Variants in SLCO2A1 observed in about 807,000 individuals in gnomAD.
SLCO2A1 encodes the protein matrin F/G 1.
A neutral mutation model predicts 71.7 loss-of-function variants in SLCO2A1; 60 were observed. That is an observed-to-expected ratio of 0.84 (90% confidence interval 0.68 to 1.04). The LOEUF (loss-of-function observed/expected upper bound fraction) is 1.04, where lower values mean the gene tolerates loss of function less well. SLCO2A1 is among the 50% of genes least tolerant of loss of function. The pLI is 0.00. For missense variants in SLCO2A1, 745 were observed against 813.4 expected (o/e 0.92, Z 1.02); for synonymous variants, 308 against 326.7 (o/e 0.94, Z 0.62).
intron 1 of SLCO2A1, among the ~76,000 whole-genome samples, chr3:134,019,803 G>T (rs1480933131): frequency 1.3e-5 from 2 of 152,100 alleles, no homozygotes; most frequent in East Asian, 3.9e-4. Context: ...AAAGTGGATT[G>T]GTTAGTCTGT....
In SLCO2A1 at chr3:133,951,291, C is replaced by T. The variant is rs536685613; in HGVS notation, c.778G>A (p.Gly260Ser). 6.2e-7 allele frequency: 1 copy of T among 1,614,158 alleles called. No homozygotes were observed. The highest frequency in any genetic ancestry group is 8.5e-7 in the Non-Finnish European group (1 of 1,180,022). ...AATAAAGCTGAAGAAATGAGCAGGC[C>T]TAGCCACCAGGCTCCAATCCATCGG... ...DPRWIGAWWL[G>S]LLISSALLVL... The change falls in exon 6 of 14, where the codon GGC (glycine) becomes AGC (serine). Residue 260 changes from glycine to serine, a missense_variant. Coordinates refer to ENST00000310926, the MANE Select transcript of SLCO2A1 (RefSeq NM_005630.3).
intron 1 of SLCO2A1, among the ~76,000 whole-genome samples, chr3:134,013,497 G>A (rs1275464348): frequency 2.0e-5 from 3 of 152,100 alleles, no homozygotes; most frequent in East Asian, 1.9e-4. Flanking sequence ...TCTGTCTGAC[G>A]GTGTCCCATG....
intron 4 of SLCO2A1, 59 bp downstream of exon 4, chr3:133,954,907 T>A (rs1430160111): frequency 1.4e-6 from 2 of 1,407,722 alleles, no homozygotes; most frequent in Non-Finnish European, 2.0e-6. Flanking sequence ...CAGGGCCTCA[T>A]CAAGTGCTAC....
chr3:133,939,473 A>G (rs952175544), intron 11 of SLCO2A1, among the ~76,000 whole-genome samples: 1 of 152,252 alleles, frequency 6.6e-6, no homozygotes, highest in African/African-American at 2.4e-5. Flanking sequence ...AAGGGAGCTC[A>G]GAAGTAATCC....
At chr3:133,983,381 G>A (rs756316761) in intron 1 of SLCO2A1, among the ~76,000 whole-genome samples, 39 of 152,150 alleles carry the variant, frequency 2.6e-4, no homozygotes, top group Non-Finnish European at 4.6e-4. Flanking sequence ...CCCAGCCCTC[G>A]ATGCCAAGTG....
intron 3 of SLCO2A1, among the ~76,000 whole-genome samples, chr3:133,966,401 G>C (rs1382382647): frequency 6.6e-6 from 1 of 152,148 alleles, no homozygotes; most frequent in Non-Finnish European, 1.5e-5. Flanking sequence ...CAATGTATGA[G>C]ACAGACAAGA....
At chr3:133,951,150 C>T in intron 6 of SLCO2A1, 58 bp downstream of exon 6, 2 of 1,606,862 alleles carry the variant, frequency 1.2e-6, no homozygotes, top group Non-Finnish European at 1.7e-6. Context: ...TTATTTTCTA[C>T]CCCCACATCC....
intron 1 of SLCO2A1, among the ~76,000 whole-genome samples, chr3:133,999,261 T>A (rs1935051074): frequency 6.6e-6 from 1 of 152,204 alleles, no homozygotes. Context: ...TGGGTCTCCC[T>A]GTGATGACTG....
At chr3:133,980,861 C>T (rs939316258) in intron 1 of SLCO2A1, among the ~76,000 whole-genome samples, 2 of 152,144 alleles carry the variant, frequency 1.3e-5, no homozygotes, top group African/African-American at 2.4e-5. Context: ...GTCTTTACAC[C>T]CACAAAACCA....
chr3:133,978,312 A>G lies in SLCO2A1; in HGVS notation c.234+1169T>C, dbSNP rs148753989. On this transcript the variant is annotated intron_variant, in intron 2 of 13. Transcript: ENST00000310926. ...CTCAGACCCTGGCTGCACCATGCAC[A>G]TGACAGGGGGCTGACCTGGATGGAG... Among the ~76,000 whole-genome samples, 104 of 152,276 alleles carry G rather than the reference A, an allele frequency of 6.8e-4. 3 individuals are homozygous for G. The highest frequency in any genetic ancestry group is 2.4e-3 in the African/African-American group (99 of 41,552).
chr3:133,973,568 G>C, intron 3 of SLCO2A1, 95 bp downstream of exon 3: 3 of 1,289,228 alleles, frequency 2.3e-6, no homozygotes, highest in South Asian at 2.7e-5. Context: ...CCCTCTTCCT[G>C]GAGTGGTATC....
intron 2 of SLCO2A1, among the ~76,000 whole-genome samples, chr3:133,979,245 C>T (rs148863200): frequency 8.5e-5 from 13 of 152,320 alleles, no homozygotes; most frequent in Non-Finnish European, 1.8e-4. Flanking sequence ...ATGAAGAGGC[C>T]CCCAGGTCAG....
intron 1 of SLCO2A1, among the ~76,000 whole-genome samples, chr3:134,006,842 A>G (rs935188251): frequency 2.6e-5 from 4 of 152,238 alleles, no homozygotes; most frequent in Admixed American, 2.6e-4. Context: ...TATACCCAGA[A>G]GCAAAACTGC....
chr3:134,004,621 A>G (rs1034411575), intron 1 of SLCO2A1, among the ~76,000 whole-genome samples: 8 of 152,240 alleles, frequency 5.3e-5, no homozygotes, highest in Non-Finnish European at 1.2e-4. Flanking sequence ...GGTGTGAGCC[A>G]CCACGCCCAG....
chr3:133,934,649 G>T lies in SLCO2A1; in HGVS notation c.*64C>A. ...GGAAATGACGTGTTAACATTAGTGA[G>T]TATAGGCAGGTGTGGAAGAGTCAAG... On this transcript the variant is annotated 3_prime_UTR_variant, in exon 14 of 14. Transcript: ENST00000310926. 9.1e-7 allele frequency: 1 copy of T among 1,103,334 alleles called. No homozygotes were observed. The highest frequency in any genetic ancestry group is 1.4e-6 in the Non-Finnish European group (1 of 721,242). 68.3% of individuals were successfully genotyped at this position (1,103,334 alleles called of 1,614,324 possible).
At chr3:134,003,126 C>G (rs1935136929) in intron 1 of SLCO2A1, among the ~76,000 whole-genome samples, 1 of 152,246 alleles carries the variant, frequency 6.6e-6, no homozygotes, top group South Asian at 2.1e-4. Context: ...GTTTCATCAT[C>G]TACACCTGGT....
chr3:134,003,262 G>A (rs189229161), intron 1 of SLCO2A1, among the ~76,000 whole-genome samples: 79 of 152,330 alleles, frequency 5.2e-4, no homozygotes, highest in African/African-American at 1.8e-3. Context: ...AGCCCTAGGA[G>A]AAGCAGACAT....
At chr3:134,020,751 T>C (rs954016361) in intron 1 of SLCO2A1, among the ~76,000 whole-genome samples, 4 of 151,858 alleles carry the variant, frequency 2.6e-5, no homozygotes, top group African/African-American at 9.7e-5. Context: ...GCCCACTCCA[T>C]TTGAGTGGAA....
chr3:133,940,544 A>G (rs1037136999), intron 11 of SLCO2A1, among the ~76,000 whole-genome samples: 1 of 152,016 alleles, frequency 6.6e-6, no homozygotes, highest in Admixed American at 6.6e-5. Flanking sequence ...CTGCATAGCG[A>G]CTTGCCAGGG....
Sources: allele counts gnomAD v4.1 joint callset (sites outside exome capture counted in the v4.1 genomes callset), GRCh38; gene constraint gnomAD v4.1.1; transcripts MANE v1.5; gene names NCBI Gene and HGNC (gene_info 2026-07-23, HGNC 2026-07-21).